Variants in OSBPL10 observed in about 807,000 individuals in gnomAD.
The protein encoded by OSBPL10 is oxysterol-binding protein-related protein 10.
OSBPL10 carries 49 observed loss-of-function variants against 81.7 expected under a neutral mutation model. That is an observed-to-expected ratio of 0.60 (90% CI 0.48 to 0.76). OSBPL10 has a LOEUF of 0.76. Ranked by LOEUF, OSBPL10 falls within the 30% of genes least tolerant of loss-of-function variation. The pLI is 0.00. For synonymous variants in OSBPL10, 419 were observed against 383.6 expected (o/e 1.09, Z -1.08); for missense variants, 923 against 987.8 (o/e 0.93, Z 0.88).
intron 6 of OSBPL10, among the ~76,000 whole-genome samples, chr3:31,716,298 TATATC>T (rs1696431145): frequency 6.6e-6 from 1 of 152,236 alleles, no homozygotes; most frequent in Admixed American, 6.5e-5. Flanking sequence ...TGTATCACTT[TATATC>T]CAACTTCATA....
chr3:32,035,913 C>T (rs1699513876), intron 2 of OSBPL10, among the ~76,000 whole-genome samples: 1 of 152,120 alleles, frequency 6.6e-6, no homozygotes. Context: ...TTTCATCTTC[C>T]CAAATTGAAA....
intron 3 of OSBPL10, among the ~76,000 whole-genome samples, chr3:31,873,588 C>A (rs186591437): frequency 1.3e-5 from 2 of 152,010 alleles, no homozygotes; most frequent in Non-Finnish European, 1.5e-5. Context: ...ATTTTTTTCC[C>A]ACCCTGAACA....
At position 32,062,672 on chromosome 3, in the gene OSBPL10, T is replaced by G. The variant is rs1699758453; in HGVS notation, n.185+14724A>C. On this transcript the variant is annotated intron_variant and non_coding_transcript_variant, in intron 1 of 3. Transcript: ENST00000479173. ...GAGCATGGGCTTCTTGAATCAGACC[T>G]GGATTTGTGCTAATGTAGCCAACAG... 2.1e-5 allele frequency among the ~76,000 whole-genome samples: 2 copies of G among 94,602 alleles called. 1 individual carries two copies. The highest frequency in any genetic ancestry group is 5.5e-5 in the African/African-American group (2 of 36,672). 62.1% of individuals were successfully genotyped at this position (94,602 alleles called of 152,430 possible).
At chr3:31,930,003 C>CAAA (rs57256301) in intron 1 of OSBPL10, among the ~76,000 whole-genome samples, 1,859 of 72,022 alleles carry the variant, frequency 0.026, 146 homozygotes, top group African/African-American at 0.065. Context: ...TGTCACCAAC[C>CAAA]AAAAAAAAAA....
chr3:32,059,942 T>C (rs1185986597), intron 1 of OSBPL10, among the ~76,000 whole-genome samples: 1 of 151,824 alleles, frequency 6.6e-6, no homozygotes, highest in African/African-American at 2.4e-5. Context: ...GCTAAATTAA[T>C]ATAGGGTTCG....
chr3:31,732,148 C>A (rs1356115198), intron 6 of OSBPL10, among the ~76,000 whole-genome samples: 1 of 152,206 alleles, frequency 6.6e-6, no homozygotes, highest in Non-Finnish European at 1.5e-5. Flanking sequence ...ACATCAGCTG[C>A]ATGAGTTTCT....
chr3:31,949,721 A>ACAGAACAG (rs1697815639), intron 1 of OSBPL10, among the ~76,000 whole-genome samples: 1 of 149,116 alleles, frequency 6.7e-6, no homozygotes, highest in Non-Finnish European at 1.5e-5. Flanking sequence ...TTCCTACCTC[A>ACAGAACAG]CAGAACAGAC....
At chr3:31,711,413 C>T (rs1297397874) in intron 6 of OSBPL10, among the ~76,000 whole-genome samples, 1 of 152,192 alleles carries the variant, frequency 6.6e-6, no homozygotes, top group Non-Finnish European at 1.5e-5. Flanking sequence ...ATGTGGTTGT[C>T]AGCTTACCTT....
chr3:31,815,896 T>C (rs1417438403), intron 4 of OSBPL10, among the ~76,000 whole-genome samples: 1 of 152,166 alleles, frequency 6.6e-6, no homozygotes, highest in Non-Finnish European at 1.5e-5. Context: ...GAAGGCTCCT[T>C]GTATTAAATT....
intron 4 of OSBPL10, among the ~76,000 whole-genome samples, chr3:31,760,810 A>G (rs562620774): frequency 1.3e-4 from 20 of 152,358 alleles, no homozygotes; most frequent in African/African-American, 3.8e-4. Flanking sequence ...TCACATAAAT[A>G]TGCCACAACT....
chr3:31,783,361 G>T (rs1028897914), intron 4 of OSBPL10, among the ~76,000 whole-genome samples: 22 of 151,756 alleles, frequency 1.4e-4, no homozygotes, highest in Admixed American at 1.3e-4. Context: ...CATAGGGAAG[G>T]GTTGGGACAG....
At chr3:31,689,127 A>G (rs1700875887) in intron 7 of OSBPL10, among the ~76,000 whole-genome samples, 1 of 152,224 alleles carries the variant, frequency 6.6e-6, no homozygotes, top group African/African-American at 2.4e-5. Flanking sequence ...GGAAAAAAAA[A>G]AAGTCAAATC....
At chr3:31,976,672 G>T (rs1698702109) in intron 1 of OSBPL10, among the ~76,000 whole-genome samples, 1 of 152,002 alleles carries the variant, frequency 6.6e-6, no homozygotes, top group Non-Finnish European at 1.5e-5. Context: ...TCCCACGCTG[G>T]TCTGGAACTC....
intron 1 of OSBPL10, among the ~76,000 whole-genome samples, chr3:32,063,078 T>C (rs1279868678): frequency 3.2e-5 from 3 of 93,584 alleles, no homozygotes; most frequent in African/African-American, 8.3e-5. Context: ...TTCCAAGACC[T>C]TGCAGTGGGA....
chr3:31,760,085 C>T (rs1024990294), intron 4 of OSBPL10, among the ~76,000 whole-genome samples: 3 of 152,038 alleles, frequency 2.0e-5, no homozygotes, highest in East Asian at 3.9e-4. Context: ...TTAAAAATCG[C>T]AAGGAAGAGA....
chr3:31,785,067 T>C (rs1698827848), intron 4 of OSBPL10, among the ~76,000 whole-genome samples: 1 of 151,006 alleles, frequency 6.6e-6, no homozygotes, highest in African/African-American at 2.4e-5. Flanking sequence ...GTATTTTTAG[T>C]AGAGATGGGG....
chr3:31,910,376 T>C (rs973166815), intron 1 of OSBPL10, among the ~76,000 whole-genome samples: 3 of 151,922 alleles, frequency 2.0e-5, no homozygotes, highest in Admixed American at 2.0e-4. Context: ...GGCTCACGCC[T>C]GTAATCCCAG....
intron 2 of OSBPL10, among the ~76,000 whole-genome samples, chr3:32,021,712 A>C (rs1389087563): frequency 6.6e-6 from 1 of 152,134 alleles, no homozygotes; most frequent in Non-Finnish European, 1.5e-5. Flanking sequence ...GATGGCTCAC[A>C]CCTGTAATTC....
intron 4 of OSBPL10, among the ~76,000 whole-genome samples, chr3:31,822,903 C>T (rs1362934990): frequency 2.3e-5 from 1 of 42,920 alleles, no homozygotes; most frequent in Non-Finnish European, 5.6e-5. Flanking sequence ...CAGAGTGAGA[C>T]CCCCAACTCT....
Sources: gnomAD v4.1 joint callset for allele counts (sites outside exome capture counted in the v4.1 genomes callset) on GRCh38, gnomAD v4.1.1 for gene constraint, MANE v1.5 for transcripts, NCBI Gene and HGNC (gene_info 2026-07-23, HGNC 2026-07-21) for gene names.